Variants in CENPP observed in about 807,000 individuals in gnomAD.
The protein encoded by CENPP is centromere protein P.
CENPP carries 24 observed loss-of-function variants against 35.6 expected under a neutral mutation model. That is an observed-to-expected ratio of 0.67 (90% CI 0.49 to 0.95). The LOEUF (loss-of-function observed/expected upper bound fraction) is 0.95, where lower values mean the gene tolerates loss of function less well. Ranked by LOEUF, CENPP falls within the 40% of genes least tolerant of loss-of-function variation. The probability of loss-of-function intolerance (pLI) is 0.00; values close to 1 mark genes in which losing one functional copy is unlikely to be tolerated. For synonymous variants in CENPP, 120 were observed against 125.5 expected (o/e 0.96, Z 0.29); for missense variants, 332 against 345.3 (o/e 0.96, Z 0.31).
chr9:92,375,201 A>G (rs574315021), intron 4 of CENPP, among the ~76,000 whole-genome samples: 14 of 151,764 alleles, frequency 9.2e-5, no homozygotes, highest in Non-Finnish European at 1.9e-4. Flanking sequence ...TGGGTGTCCC[A>G]CAAGTCTCTT....
At chr9:92,533,312 A>ATAT (rs1848932745) in intron 5 of CENPP, among the ~76,000 whole-genome samples, 1 of 88,682 alleles carries the variant, frequency 1.1e-5, no homozygotes, top group African/African-American at 4.7e-5. Flanking sequence ...ACAAAAAAAA[A>ATAT]AAAAAAAAAA....
At chr9:92,612,355 T>C (rs1851284944) in intron 6 of CENPP, among the ~76,000 whole-genome samples, 168 bp from the exon 7 acceptor site, 1 of 152,260 alleles carries the variant, frequency 6.6e-6, no homozygotes, top group Non-Finnish European at 1.5e-5. Context: ...CCTGTGATCC[T>C]GGTTCCATTT....
Position 92,617,293 on chromosome 9 carries a change from G to A in CENPP, c.*4144G>A, listed in dbSNP as rs561805014. ...CTGGGCTGGAACAGTCACATCCCCA[G>A]CCCATGACTAGGGTTACGTATTTTA... On this transcript the variant is annotated 3_prime_UTR_variant, in exon 8 of 8. Coordinates refer to ENST00000375587, the MANE Select transcript of CENPP (RefSeq NM_001012267.3). The A allele has an allele frequency of 4.6e-5, 7 of 152,346 alleles. No homozygotes were observed. Among genetic ancestry groups the A allele is most frequent in the African/African-American group, 1.7e-4 (7 of 41,536 alleles). 9.4% of individuals were successfully genotyped at this position (152,346 alleles called of 1,614,324 possible). A position where few individuals can be genotyped will look rare whatever the true frequency, so the allele number is the denominator to read the frequency against.
At chr9:92,511,157 CCT>C (rs1847312248) in intron 5 of CENPP, among the ~76,000 whole-genome samples, 2 of 152,140 alleles carry the variant, frequency 1.3e-5, no homozygotes, top group Admixed American at 1.3e-4. Context: ...ACAGGGTCTT[CCT>C]CTGTCGCCCA....
At chr9:92,591,181 A>C (rs1331390327) in intron 5 of CENPP, among the ~76,000 whole-genome samples, 2 of 152,094 alleles carry the variant, frequency 1.3e-5, no homozygotes, top group African/African-American at 4.8e-5. Context: ...GCACTTTGGG[A>C]GGCTGAGGCG....
chr9:92,537,867 T>A (rs1245563827), intron 5 of CENPP, among the ~76,000 whole-genome samples: 2 of 151,992 alleles, frequency 1.3e-5, no homozygotes, highest in African/African-American at 4.8e-5. Flanking sequence ...ACTTTGGGGG[T>A]AGAAAAATTA....
At chr9:92,387,123 A>G (rs192015848) in intron 5 of CENPP, among the ~76,000 whole-genome samples, 1 of 151,166 alleles carries the variant, frequency 6.6e-6, no homozygotes, top group Non-Finnish European at 1.5e-5. Context: ...CTGTAATCCC[A>G]GTACTTTGAG....
chr9:92,610,343 T>G (rs1041731586), intron 5 of CENPP, among the ~76,000 whole-genome samples: 2 of 152,168 alleles, frequency 1.3e-5, no homozygotes, highest in African/African-American at 4.8e-5. Flanking sequence ...CATGAGCCAC[T>G]GCACCTGGCC....
At chr9:92,449,244 A>G (rs1305711532) in intron 5 of CENPP, among the ~76,000 whole-genome samples, 1 of 152,006 alleles carries the variant, frequency 6.6e-6, no homozygotes, top group East Asian at 1.9e-4. Context: ...GATCGAGACC[A>G]TCGTGGCTAA....
At position 92,617,970 on chromosome 9, in the gene CENPP, G is replaced by C. The variant is rs894396221; in HGVS notation, c.*4821G>C. 3.0e-6 allele frequency: 1 copy of C among 333,652 alleles called. No individual in the cohort carries two copies. The highest frequency in any genetic ancestry group is 2.2e-5 in the African/African-American group (1 of 46,444). 20.7% of individuals were successfully genotyped at this position (333,652 alleles called of 1,614,324 possible). On this transcript the variant is annotated 3_prime_UTR_variant, in exon 8 of 8. Coordinates refer to ENST00000375587, the MANE Select transcript of CENPP (RefSeq NM_001012267.3). ...TTAAATGTGGTCAATCTATCTGTGA[G>C]CTGCAAATTAGTCTAGGGATCTAAA... is the stretch of plus-strand genomic sequence containing the variant.
chr9:92,569,146 G>A (rs990985057), intron 5 of CENPP, among the ~76,000 whole-genome samples: 4 of 152,116 alleles, frequency 2.6e-5, no homozygotes, highest in African/African-American at 7.2e-5. Context: ...TAGTCATGAA[G>A]TCCTTGCCCA....
intron 5 of CENPP, among the ~76,000 whole-genome samples, chr9:92,554,251 T>C (rs904624480): frequency 1.3e-5 from 2 of 152,060 alleles, no homozygotes; most frequent in Non-Finnish European, 2.9e-5. Flanking sequence ...TGGCACAATC[T>C]TGGCTCACTG....
intron 5 of CENPP, among the ~76,000 whole-genome samples, chr9:92,590,602 G>T: frequency 6.6e-6 from 1 of 152,174 alleles, no homozygotes; most frequent in South Asian, 2.1e-4. Context: ...CAAGCTTCCT[G>T]GTCTCAGGGG....
intron 5 of CENPP, chr9:92,502,735 G>T: frequency 6.2e-6 from 7 of 1,123,784 alleles, no homozygotes; most frequent in Non-Finnish European, 8.6e-6. Flanking sequence ...TAGTGACATA[G>T]ACTATTATCA....
intron 5 of CENPP, among the ~76,000 whole-genome samples, chr9:92,491,600 A>G (rs1207933033): frequency 6.6e-6 from 1 of 151,976 alleles, no homozygotes; most frequent in Non-Finnish European, 1.5e-5. Flanking sequence ...CCATGGTGAC[A>G]CCCCAAGTTC....
At chr9:92,608,482 G>A (rs892707565) in intron 5 of CENPP, among the ~76,000 whole-genome samples, 25 of 152,078 alleles carry the variant, frequency 1.6e-4, no homozygotes, top group Non-Finnish European at 3.7e-4. Flanking sequence ...TATAAAACTC[G>A]ACTGCTGTTG....
intron 3 of CENPP, among the ~76,000 whole-genome samples, chr9:92,342,723 A>G (rs1841161594): frequency 2.0e-5 from 3 of 152,254 alleles, no homozygotes; most frequent in Non-Finnish European, 4.4e-5. Flanking sequence ...ACAAAGGACT[A>G]TCTCGTTTCT....
At chr9:92,481,643 A>G (rs1477646123) in intron 5 of CENPP, among the ~76,000 whole-genome samples, 1 of 152,218 alleles carries the variant, frequency 6.6e-6, no homozygotes, top group Non-Finnish European at 1.5e-5. Flanking sequence ...TTCTGACTGT[A>G]TACATGCTGT....
upstream of CENPP, chr9:92,325,709 C>A: frequency 2.7e-6 from 1 of 370,318 alleles, no homozygotes; most frequent in East Asian, 5.3e-5. Context: ...GGGTGAGCAG[C>A]GGAGCGCTTG....
Sources: gnomAD v4.1 joint callset for allele counts (sites outside exome capture counted in the v4.1 genomes callset) on GRCh38, gnomAD v4.1.1 for gene constraint, MANE v1.5 for transcripts, NCBI Gene and HGNC (gene_info 2026-07-23, HGNC 2026-07-21) for gene names.